The following PCDH20 variants were observed in gnomAD, a reference collection of about 807,000 sequenced individuals.
The protein encoded by PCDH20 is protocadherin 20.
Under a neutral mutation model 39.7 loss-of-function variants are expected in PCDH20, and 18 were observed. That is an observed-to-expected ratio of 0.45 (90% CI 0.31 to 0.67). PCDH20 has a LOEUF of 0.67. Ranked by LOEUF, PCDH20 falls within the 30% of genes least tolerant of loss-of-function variation. PCDH20 has a pLI of 0.05. For missense variants in PCDH20, 1,161 were observed against 1,167.4 expected (o/e 0.99, Z 0.08); for synonymous variants, 495 against 455.4 (o/e 1.09, Z -1.11).
chr13:61,415,180 A>C (rs1593786071), exon 1 of PCDH20: 1 of 1,395,084 alleles, frequency 7.2e-7, no homozygotes, highest in Non-Finnish European at 9.4e-7. Context: ...CTGCAGTCAG[A>C]GCGCTCTTGA....
exon 2 of PCDH20, chr13:61,411,366 G>A (rs963996947): frequency 1.2e-6 from 2 of 1,613,818 alleles, no homozygotes; most frequent in African/African-American, 2.7e-5. Context: ...TCCTTAAACA[G>A]ATGTATATGC....
At chr13:61,414,188 GC>G (rs1871485609) in intron 1 of PCDH20, among the ~76,000 whole-genome samples, 1 of 151,702 alleles carries the variant, frequency 6.6e-6, no homozygotes, top group Non-Finnish European at 1.5e-5. Flanking sequence ...TATCCCCTCC[GC>G]CCCCGCCTTC....
chr13:61,415,218 T>A (rs940009823), exon 1 of PCDH20: 3 of 1,302,872 alleles, frequency 2.3e-6, no homozygotes, highest in African/African-American at 3.1e-5. Flanking sequence ...ACACTCCCTC[T>A]CGGTTCATGC....
At chr13:61,412,158 A>C (rs769638860) in exon 2 of PCDH20, 1 of 1,614,170 alleles carries the variant, frequency 6.2e-7, no homozygotes, top group Admixed American at 1.7e-5. Flanking sequence ...TTTCAGGCAC[A>C]AAAAAGCTGA....
intron 1 of PCDH20, among the ~76,000 whole-genome samples, chr13:61,414,367 G>C (rs1367507229): frequency 6.6e-6 from 1 of 152,102 alleles, no homozygotes; most frequent in Non-Finnish European, 1.5e-5. Flanking sequence ...GCTGGTAGTA[G>C]AGAGCACTGA....
At chr13:61,410,721 T>A (rs892368039) in exon 2 of PCDH20, 2 of 152,708 alleles carry the variant, frequency 1.3e-5, no homozygotes, top group Non-Finnish European at 2.9e-5. Flanking sequence ...TGTTTACAAG[T>A]GCATTTCTTT....
chr13:61,412,092 T>A, exon 2 of PCDH20: 1 of 1,614,142 alleles, frequency 6.2e-7, no homozygotes, highest in South Asian at 1.1e-5. Context: ...ATCCATTTCG[T>A]CCAGCGTCAG....
intron 1 of PCDH20, among the ~76,000 whole-genome samples, chr13:61,414,701 A>G (rs1871498094): frequency 6.6e-6 from 1 of 152,132 alleles, no homozygotes; most frequent in Non-Finnish European, 1.5e-5. Flanking sequence ...ACAATTTGTC[A>G]ATTGCAGTAG....
rs201107730 is a variant in PCDH20, at chr13:61,413,454, C to A, written c.645G>T (p.Ser215=). The A allele has an allele frequency of 6.8e-6, 11 of 1,614,002 alleles. No homozygotes were observed. The East Asian group carries it at 2.2e-4, about 33-fold the overall frequency. The change falls in exon 2 of 2, where the codon TCG becomes TCT. Residue 215 remains serine, a synonymous_variant. Coordinates refer to ENST00000409204, the Ensembl canonical transcript of PCDH20. ...CAGGTGCATTTTCCGGGACCCACAC[C>A]GAGATCTGGGAAACAGGGAACTGCG...
In PCDH20 at chr13:61,415,095, A is replaced by G. The variant is rs1482877097; in HGVS notation, c.64T>C (p.Trp22Arg). ...CGCCCCATATCCAGGCGCGGGTGCC[A>G]GGTCGCCGGGCACCAGCTCACTCCC... The change falls in exon 1 of 2, where the codon TGG becomes CGG. Residue 22 changes from tryptophan to arginine, a missense_variant. By Grantham distance (101) the Trp-to-Arg change is moderately radical. Around this residue, in one of 3 missense-constraint regions of PCDH20, gnomAD observed 401 missense variants for 368.7 expected, o/e 1.09. Transcript: ENST00000409204. 10 of 1,566,616 alleles carry G rather than the reference A, an allele frequency of 6.4e-6. No individual in the cohort carries two copies. The highest frequency in any genetic ancestry group is 2.4e-5 in the East Asian group (1 of 41,596).
chr13:61,413,953 A>G, exon 2 of PCDH20: 1 of 1,606,518 alleles, frequency 6.2e-7, no homozygotes, highest in East Asian at 2.2e-5. Flanking sequence ...GAAGAGGAAA[A>G]ACAGAAACAG....
rs921988555 is a variant in PCDH20 at position 61,412,664 on chromosome 13, G to A, written c.1435C>T (p.Pro479Ser). The change falls in exon 2 of 2, where the codon CCT becomes TCT. Residue 479 changes from proline to serine, a missense_variant. Physicochemically the swap from Pro to Ser is moderately conservative, Grantham distance 74. Coordinates refer to ENST00000409204, the Ensembl canonical transcript of PCDH20. ...TATTCATTATTGTATGGTTTGTAAGGTGATAACCTAAACGGCCCTTCACCA... is the reference window on the plus strand; with the variant it reads ...TATTCATTATTGTATGGTTTGTAAGATGATAACCTAAACGGCCCTTCACCA... 1.2e-6 allele frequency: 2 copies of A among 1,614,024 alleles called. No homozygotes were observed. Among genetic ancestry groups the A allele is most frequent in the Admixed American group, 3.3e-5 (2 of 60,002 alleles).
chr13:61,413,632 C>A lies in PCDH20; in HGVS notation c.467G>T (p.Gly156Val), dbSNP rs112795881. 26 of 1,614,224 alleles carry A rather than the reference C, an allele frequency of 1.6e-5. No homozygotes were observed. The Admixed American group carries it at 2.2e-4, about 13-fold the overall frequency. Residue 156 changes from glycine (G) to valine (V), a missense_variant, in exon 2 of 2, where the codon GGG becomes GTG. Around this residue, in one of 3 missense-constraint regions of PCDH20, gnomAD observed 401 missense variants for 368.7 expected, o/e 1.09. Coordinates refer to ENST00000409204, the Ensembl canonical transcript of PCDH20. ...GCCGCTCCACGCAGTCCCTCCACCC[C>A]CTTCAACACACAGGGCCTCCCTGTC... is the stretch of plus-strand genomic sequence containing the variant.
At chr13:61,413,576 A>T in exon 2 of PCDH20, 1 of 1,614,168 alleles carries the variant, frequency 6.2e-7, no homozygotes, top group Non-Finnish European at 8.5e-7. Context: ...AAAAGACAAG[A>T]GTCAGAAGGA....
At chr13:61,411,022 C>G (rs1430479046) in exon 2 of PCDH20, 51 of 222,270 alleles carry the variant, frequency 2.3e-4, no homozygotes, top group Non-Finnish European at 5.1e-5. Flanking sequence ...TTTTTAAATA[C>G]AAGTCCTATA....
exon 2 of PCDH20, chr13:61,413,184 A>C (rs367926930): frequency 1.2e-6 from 2 of 1,614,004 alleles, no homozygotes; most frequent in Non-Finnish European, 1.7e-6. Context: ...CAATGGTGAG[A>C]GTGGCACTGC....
exon 2 of PCDH20, chr13:61,413,087 G>A: frequency 6.2e-7 from 1 of 1,614,122 alleles, no homozygotes; most frequent in Non-Finnish European, 8.5e-7. Flanking sequence ...GCTGCAATTG[G>A]GGTGCCCACT....
exon 2 of PCDH20, chr13:61,412,608 A>G: frequency 6.2e-7 from 1 of 1,614,122 alleles, no homozygotes; most frequent in South Asian, 1.1e-5. Context: ...GCTGTAGCTC[A>G]TAGTCCATAG....
exon 2 of PCDH20, chr13:61,410,019 A>T (rs1371161771): frequency 6.6e-6 from 1 of 152,122 alleles, no homozygotes; most frequent in Non-Finnish European, 1.5e-5. Context: ...TTTCCAGCTC[A>T]CACAATGAAT....
Sources: gnomAD v4.1 joint callset for allele counts (sites outside exome capture counted in the v4.1 genomes callset) on GRCh38, gnomAD v4.1.1 for gene constraint, gnomAD v4.1.1 regional missense constraint, MANE v1.5 for transcripts, NCBI Gene and HGNC (gene_info 2026-07-23, HGNC 2026-07-21) for gene names.